Variants in FAF1 observed in about 807,000 individuals in gnomAD.
FAF1 encodes FAS-associated factor 1.
FAF1 carries 25 observed loss-of-function variants against 92.5 expected under a neutral mutation model. That is an observed-to-expected ratio of 0.27 (90% confidence interval 0.20 to 0.38). FAF1 has a LOEUF of 0.38. Ranked by LOEUF, FAF1 falls within the 10% of genes least tolerant of loss-of-function variation. The pLI is 1.00. For synonymous variants in FAF1, 234 were observed against 273.2 expected (o/e 0.86, Z 1.42); for missense variants, 636 against 793.3 (o/e 0.80, Z 2.38).
intron 2 of FAF1, among the ~76,000 whole-genome samples, chr1:50,844,717 T>C (rs1257525772): frequency 2.6e-5 from 4 of 151,892 alleles, no homozygotes; most frequent in Non-Finnish European, 5.9e-5. Context: ...GATGCTACTG[T>C]GCTTCAAGTA....
intron 3 of FAF1, among the ~76,000 whole-genome samples, chr1:50,800,784 TA>T (rs1661960982): frequency 6.6e-6 from 1 of 152,212 alleles, no homozygotes; most frequent in South Asian, 2.1e-4. Flanking sequence ...ACCTCATTCC[TA>T]ATCTGCTGTT....
At chr1:50,556,293 C>G (rs191755472) in intron 13 of FAF1, among the ~76,000 whole-genome samples, 199 of 145,110 alleles carry the variant, frequency 1.4e-3, no homozygotes, top group Non-Finnish European at 2.1e-3. Context: ...CTGGATGAAA[C>G]TGGAGGTCAT....
chr1:50,568,814 T>A (rs1380674151), intron 12 of FAF1, among the ~76,000 whole-genome samples: 1 of 152,144 alleles, frequency 6.6e-6, no homozygotes, highest in South Asian at 2.1e-4. Flanking sequence ...TCAAGGCTTA[T>A]GGAAGCACTC....
chr1:50,725,260 C>A (rs59318346), intron 6 of FAF1, among the ~76,000 whole-genome samples: 17,834 of 152,052 alleles, frequency 0.12, 1,265 homozygotes, highest in African/African-American at 0.2. Flanking sequence ...TCTGAGGCCC[C>A]GTGCAGACTT....
chr1:50,586,195 C>T (rs1009815663), intron 9 of FAF1, among the ~76,000 whole-genome samples: 1 of 152,186 alleles, frequency 6.6e-6, no homozygotes, highest in Non-Finnish European at 1.5e-5. Context: ...TTTCCTCCCT[C>T]CCCTAGGCCC....
intron 12 of FAF1, among the ~76,000 whole-genome samples, chr1:50,570,960 G>A (rs1650410763): frequency 6.6e-6 from 1 of 152,154 alleles, no homozygotes; most frequent in Non-Finnish European, 1.5e-5. Flanking sequence ...CAGTACCACA[G>A]AAAACGAGTA....
chr1:50,795,609 A>G (rs181247617), intron 3 of FAF1, among the ~76,000 whole-genome samples: 1 of 152,288 alleles, frequency 6.6e-6, no homozygotes, highest in Non-Finnish European at 1.5e-5. Context: ...CCAAAACACC[A>G]CACTATTTTT....
At chr1:50,716,358 T>C (rs565083391) in intron 6 of FAF1, among the ~76,000 whole-genome samples, 94 of 152,268 alleles carry the variant, frequency 6.2e-4, no homozygotes, top group African/African-American at 2.2e-3. Flanking sequence ...ATTAATACAT[T>C]AATAGTACTA....
At chr1:50,598,721 A>G (rs1651950605) in intron 8 of FAF1, among the ~76,000 whole-genome samples, 1 of 152,198 alleles carries the variant, frequency 6.6e-6, no homozygotes, top group Non-Finnish European at 1.5e-5. Flanking sequence ...CTGTAATCTC[A>G]GCACTTTGGG....
chr1:50,873,619 A>G (rs1321830549), intron 1 of FAF1, among the ~76,000 whole-genome samples: 1 of 152,182 alleles, frequency 6.6e-6, no homozygotes, highest in Non-Finnish European at 1.5e-5. Context: ...ACACCATGAT[A>G]CTTTACAAAT....
At chr1:50,880,541 A>C (rs1019357467) in intron 1 of FAF1, among the ~76,000 whole-genome samples, 10 of 152,226 alleles carry the variant, frequency 6.6e-5, no homozygotes, top group East Asian at 1.9e-4. Flanking sequence ...CTCGTACACT[A>C]TCTCCACATG....
intron 6 of FAF1, among the ~76,000 whole-genome samples, chr1:50,720,269 C>A (rs530732782): frequency 1.1e-3 from 171 of 152,188 alleles, no homozygotes; most frequent in African/African-American, 3.7e-3. Flanking sequence ...AAAAAATGAG[C>A]CACTTTTAAG....
chr1:50,796,917 C>T (rs1405332039), intron 3 of FAF1, among the ~76,000 whole-genome samples: 1 of 152,120 alleles, frequency 6.6e-6, no homozygotes, highest in East Asian at 1.9e-4. Flanking sequence ...ATCACTTGTG[C>T]TCAGGAGTTC....
intron 1 of FAF1, among the ~76,000 whole-genome samples, chr1:50,925,276 C>T (rs374746753): frequency 2.6e-5 from 4 of 152,064 alleles, no homozygotes; most frequent in Admixed American, 2.0e-4. Context: ...GGTGGAATCA[C>T]GTCAGGACAA....
intron 2 of FAF1, among the ~76,000 whole-genome samples, chr1:50,806,430 G>A (rs933098899): frequency 2.0e-5 from 3 of 152,202 alleles, no homozygotes; most frequent in African/African-American, 7.2e-5. Context: ...CTGTGTGATA[G>A]TTTGATATAC....
At chr1:50,815,219 C>A (rs1219029456) in intron 2 of FAF1, among the ~76,000 whole-genome samples, 2 of 152,048 alleles carry the variant, frequency 1.3e-5, no homozygotes, top group African/African-American at 2.4e-5. Context: ...ACTTTTTCAA[C>A]CCCTGTCCAC....
chr1:50,630,009 G>C (rs936919196), intron 8 of FAF1, among the ~76,000 whole-genome samples: 1 of 151,802 alleles, frequency 6.6e-6, no homozygotes, highest in African/African-American at 2.4e-5. Context: ...AGTGAGCCGA[G>C]ATCACGCCAC....
At chr1:50,535,994 G>A (rs533960982) in intron 14 of FAF1, among the ~76,000 whole-genome samples, 1 of 152,128 alleles carries the variant, frequency 6.6e-6, no homozygotes, top group South Asian at 2.1e-4. Context: ...ACCAGAAGAG[G>A]CTGACTCGAA....
At position 50,567,113 on chromosome 1, in the gene FAF1, C is replaced by G; in HGVS notation, c.1232G>C (p.Trp411Ser). 6.2e-7 allele frequency: 1 copy of G among 1,608,972 alleles called. No homozygotes were observed. Among genetic ancestry groups the G allele is most frequent in the Non-Finnish European group, 8.5e-7 (1 of 1,176,758 alleles). Reference sequence around the variant, plus strand: ...GGAGTCCTTTGTCAGATCCCAAGCCCAGGTTATAAAATTTTGACTCAGATA... The same window carrying G: ...GGAGTCCTTTGTCAGATCCCAAGCCGAGGTTATAAAATTTTGACTCAGATA... ...VSYLSQNFIT[W>S]AWDLTKDSNR... is the part of the protein sequence containing the mutation. The change falls in exon 13 of 19, where the codon TGG (tryptophan) becomes TCG (serine). Residue 411 changes from tryptophan (W) to serine (S), a missense_variant. Coordinates refer to ENST00000396153, the MANE Select transcript of FAF1 (RefSeq NM_007051.3).
Sources: gnomAD v4.1 joint callset for allele counts (sites outside exome capture counted in the v4.1 genomes callset) on GRCh38, gnomAD v4.1.1 for gene constraint, MANE v1.5 for transcripts, NCBI Gene and HGNC (gene_info 2026-07-23, HGNC 2026-07-21) for gene names.